Variants in NUDT6 observed in about 807,000 individuals in gnomAD.
NUDT6 encodes the protein nudix hydrolase 6, also known as FAD diphosphatase NUDT6.
Under a neutral mutation model 36.8 loss-of-function variants are expected in NUDT6, and 24 were observed. That is an observed-to-expected ratio of 0.65 (90% CI 0.47 to 0.92). NUDT6 has a LOEUF of 0.92. Among genes scored for constraint, NUDT6 ranks in the 40% least tolerant of loss-of-function variants. The probability of loss-of-function intolerance (pLI) is 0.00; values close to 1 mark genes in which losing one functional copy is unlikely to be tolerated. For missense variants in NUDT6, 388 were observed against 392.8 expected (o/e 0.99, Z 0.10); for synonymous variants, 163 against 157.0 (o/e 1.04, Z -0.29).
rs1699991120 is a variant in NUDT6, at chr4:122,917,572, G to A, written c.371C>T (p.Thr124Met). The A allele has an allele frequency of 1.9e-6, 3 of 1,614,190 alleles. No individual in the cohort carries two copies. Among genetic ancestry groups the A allele is most frequent in the South Asian group, 1.1e-5 (1 of 91,088 alleles). ...CFHHAESDSSTLTLWLREGPS... is the reference protein window; with the variant it reads ...CFHHAESDSSMLTLWLREGPS... ...CCCTTCTCTCAGCCACAGAGTCAAC[G>A]TTGATGAATCCGATTCTGCGTGGTG... Residue 124 changes from threonine to methionine, a missense_variant, in exon 2 of 5, where the codon ACG becomes ATG. Coordinates refer to ENST00000304430, the MANE Select transcript of NUDT6 (RefSeq NM_007083.5).
At chr4:122,901,057 CT>C (rs1052269019) in intron 3 of NUDT6, among the ~76,000 whole-genome samples, 16 of 151,966 alleles carry the variant, frequency 1.1e-4, no homozygotes, top group Non-Finnish European at 1.9e-4. Flanking sequence ...TTCCATGATC[CT>C]TTTTTTTCCT....
chr4:122,922,408 GC>G lies in NUDT6; in HGVS notation c.164del (p.Gly55AlafsTer71). ...DLQGELDRFGGISVRLARLDA... is the reference protein window; with the variant it reads ...DLQGELDRFGXISVRLARLDA... ...CGAGCCGCGCCAGGCGCACCGAGAT[GC>G]CCCCGAATCTGTCCAGCTCGCCCTG... is the stretch of plus-strand genomic sequence containing the variant. On this transcript the variant is annotated frameshift_variant, in exon 1 of 5. Transcript: ENST00000304430. LOFTEE classifies it high-confidence loss of function. 1 of 1,610,162 alleles carries G rather than the reference GC, an allele frequency of 6.2e-7. No individual in the cohort carries two copies.
In NUDT6 at chr4:122,893,550, G is replaced by A. The variant is rs1012020496; in HGVS notation, c.554-325C>T. 3 of 201,104 alleles carry A rather than the reference G, an allele frequency of 1.5e-5. No individual in the cohort carries two copies. In the Admixed American group the frequency reaches 1.7e-4, roughly 12 times the overall value. 12.5% of individuals were successfully genotyped at this position (201,104 alleles called of 1,614,324 possible). ...AAAAGGTAAAAATATAGATTGAAAA[G>A]TTAAAACATTTTGCATGGCTGCAGT... On this transcript the variant is annotated intron_variant, in intron 4 of 4. Transcript: ENST00000304430.
intron 2 of NUDT6, among the ~76,000 whole-genome samples, chr4:122,915,298 T>A (rs1273774530): frequency 6.6e-6 from 1 of 151,912 alleles, no homozygotes; most frequent in Non-Finnish European, 1.5e-5. Context: ...GGCGAAACCC[T>A]ATCTTTGCAA....
intron 3 of NUDT6, among the ~76,000 whole-genome samples, chr4:122,903,667 C>G (rs1727566250): frequency 6.6e-6 from 1 of 152,168 alleles, no homozygotes; most frequent in African/African-American, 2.4e-5. Context: ...CTTTTATGCT[C>G]CACCATTAGA....
intron 3 of NUDT6, among the ~76,000 whole-genome samples, chr4:122,908,671 T>C (rs1727672623): frequency 2.6e-5 from 4 of 152,224 alleles, no homozygotes; most frequent in Admixed American, 2.6e-4. Context: ...AGGTCATTCA[T>C]TGGTTCAAAA....
intron 3 of NUDT6, among the ~76,000 whole-genome samples, chr4:122,911,407 T>G (rs1373453710): frequency 2.0e-5 from 3 of 152,190 alleles, no homozygotes; most frequent in African/African-American, 7.2e-5. Context: ...TACCACTCAA[T>G]AATGCCTCCT....
At chr4:122,919,212 A>G (rs1219647419) in intron 1 of NUDT6, 2 of 152,142 alleles carry the variant, frequency 1.3e-5, no homozygotes, top group Non-Finnish European at 1.5e-5. Flanking sequence ...TGTGTTCAAA[A>G]CTGAATCTTT....
At chr4:122,904,182 G>A (rs1056891401) in intron 3 of NUDT6, among the ~76,000 whole-genome samples, 3 of 152,128 alleles carry the variant, frequency 2.0e-5, no homozygotes, top group Non-Finnish European at 4.4e-5. Flanking sequence ...GAAGGAGACT[G>A]ACCATTAGCA....
rs773244045 is a variant in NUDT6, at chr4:122,893,219, G to A, written c.560C>T (p.Thr187Ile). ...CTCTTCAAAAACTTCTCGAACCGCT[G>A]TGTCTCCTACGTAAAAAAAGAGATG... ...LSEPEEDIGD[T>I]AVREVFEETG... Residue 187 changes from threonine (T) to isoleucine (I), a missense_variant, in exon 5 of 5, where the codon ACA becomes ATA. Transcript: ENST00000304430. 28 of 1,602,276 alleles carry A rather than the reference G, an allele frequency of 1.7e-5. No homozygotes were observed. In the South Asian group the frequency reaches 2.9e-4, roughly 17 times the overall value.
chr4:122,907,424 C>T (rs1019803449), intron 3 of NUDT6, among the ~76,000 whole-genome samples: 31 of 150,384 alleles, frequency 2.1e-4, no homozygotes, highest in Non-Finnish European at 3.8e-4. Flanking sequence ...CACCAGCCAC[C>T]GCACCTGGCC....
chr4:122,922,245 G>A (rs944036476), intron 1 of NUDT6, 90 bp downstream of exon 1: 2 of 1,135,442 alleles, frequency 1.8e-6, no homozygotes, highest in African/African-American at 3.1e-5. Flanking sequence ...CTCGACAGTG[G>A]TGCACAGAGC....
At chr4:122,900,743 C>A (rs566862242) in intron 3 of NUDT6, among the ~76,000 whole-genome samples, 3 of 152,168 alleles carry the variant, frequency 2.0e-5, no homozygotes, top group African/African-American at 7.2e-5. Flanking sequence ...CTATGTAAAT[C>A]CAATTAGATT....
chr4:122,913,304 C>T (rs1308283644), intron 2 of NUDT6: 1 of 152,214 alleles, frequency 6.6e-6, no homozygotes, highest in Non-Finnish European at 1.5e-5. Flanking sequence ...GCCCTGTCCT[C>T]ACATAGTGAA....
chr4:122,907,811 G>A (rs1727651350), intron 3 of NUDT6, among the ~76,000 whole-genome samples: 1 of 152,126 alleles, frequency 6.6e-6, no homozygotes, highest in African/African-American at 2.4e-5. Flanking sequence ...TTTCTTGTGT[G>A]AGATCCAAGA....
chr4:122,911,979 C>T (rs1237875510), intron 3 of NUDT6, among the ~76,000 whole-genome samples: 3 of 152,150 alleles, frequency 2.0e-5, no homozygotes, highest in Non-Finnish European at 2.9e-5. Context: ...CAGTCCCTTT[C>T]TGAGCTCTGT....
At chr4:122,896,943 G>C (rs1046852113) in intron 4 of NUDT6, 2 of 152,108 alleles carry the variant, frequency 1.3e-5, no homozygotes, top group Non-Finnish European at 1.5e-5. Flanking sequence ...ATAGTTTAAG[G>C]AATAGGTAGG....
Position 122,892,645 on chromosome 4 carries a change from C to CT in NUDT6, c.*182dup. ...AGTGAAGCTTACCTAGAGCAATGATCTTTTTCACGCATTTGCTTTATTCGA... is the reference window on the plus strand; with the variant it reads ...AGTGAAGCTTACCTAGAGCAATGATCTTTTTTCACGCATTTGCTTTATTCGA... On this transcript the variant is annotated 3_prime_UTR_variant, in exon 5 of 5. Transcript: ENST00000304430. 7.1e-7 allele frequency: 1 copy of CT among 1,409,486 alleles called. No homozygotes were observed. The highest frequency in any genetic ancestry group is 2.5e-5 in the East Asian group (1 of 39,734). The allele number at this position is 1,409,486 out of a possible 1,614,324, so 87.3% of individuals were successfully genotyped here.
At chr4:122,894,073 C>A (rs1366259302) in intron 4 of NUDT6, 1 of 152,206 alleles carries the variant, frequency 6.6e-6, no homozygotes, top group African/African-American at 2.4e-5. Context: ...TGTCTCAATT[C>A]CCATGTGCTG....
Sources: gnomAD v4.1 joint callset for allele counts (sites outside exome capture counted in the v4.1 genomes callset) on GRCh38, gnomAD v4.1.1 for gene constraint, MANE v1.5 for transcripts, NCBI Gene and HGNC (gene_info 2026-07-23, HGNC 2026-07-21) for gene names.